MEIS1: variants seen among roughly 807,000 people sequenced by gnomAD.
The protein encoded by MEIS1 is Meis homeobox 1.
Under a neutral mutation model 50.8 loss-of-function variants are expected in MEIS1, and 5 were observed. That is an observed-to-expected ratio of 0.10 (90% CI 0.05 to 0.21). The LOEUF is 0.21. Ranked by LOEUF, MEIS1 falls within the 10% of genes least tolerant of loss-of-function variation. MEIS1 has a pLI of 1.00. For synonymous variants in MEIS1, 176 were observed against 179.3 expected (o/e 0.98, Z 0.15); for missense variants, 318 against 517.3 (o/e 0.61, Z 3.74).
chr2:66,455,195 G>T (rs1672360496), intron 6 of MEIS1, among the ~76,000 whole-genome samples: 3 of 152,100 alleles, frequency 2.0e-5, no homozygotes, highest in South Asian at 4.1e-4. Flanking sequence ...ACAAGAAACT[G>T]GTAAGTAGAA....
At chr2:66,514,765 A>G (rs544682054) in intron 8 of MEIS1, among the ~76,000 whole-genome samples, 44 of 152,298 alleles carry the variant, frequency 2.9e-4, no homozygotes, top group African/African-American at 1.0e-3. Flanking sequence ...CCTTCCCCCA[A>G]TGAAAAAGAT....
chr2:66,483,375 G>A lies in MEIS1; in HGVS notation c.742+19155G>A, dbSNP rs528461838. ...AGGCGTGAGCCACCGCGCCCGGCTG[G>A]ACTGGTGTCCATTTCTAAATGTGAG... On this transcript the variant is annotated intron_variant, in intron 7 of 12. Coordinates refer to ENST00000272369, the MANE Select transcript of MEIS1 (RefSeq NM_002398.3). 4.6e-5 allele frequency among the ~76,000 whole-genome samples: 7 copies of A among 152,134 alleles called. No individual in the cohort carries two copies. The South Asian group carries it at 1.2e-3, about 27-fold the overall frequency.
At chr2:66,517,447 A>G (rs764943171) in intron 8 of MEIS1, among the ~76,000 whole-genome samples, 1 of 152,188 alleles carries the variant, frequency 6.6e-6, no homozygotes. Flanking sequence ...CATGTACCCT[A>G]TCAAAAATTA....
At chr2:66,517,185 GA>G (rs1448074857) in intron 8 of MEIS1, among the ~76,000 whole-genome samples, 1 of 152,138 alleles carries the variant, frequency 6.6e-6, no homozygotes, top group Non-Finnish European at 1.5e-5. Flanking sequence ...AGGTGGTGGG[GA>G]AGGACAACTA....
chr2:66,500,080 G>A lies in MEIS1; in HGVS notation c.743-12069G>A, dbSNP rs140417953. Among the ~76,000 whole-genome samples the A allele has an allele frequency of 3.2e-3, 484 of 152,284 alleles. 2 individuals are homozygous for A. The highest frequency in any genetic ancestry group is 6.8e-3 in the Middle Eastern group (2 of 292). Reference sequence around the variant, plus strand: ...TCTCAGCCTACAAACTATGAGGCCAGAAGCTAGATGAGCAAACTTGAGAAC... The same window carrying A: ...TCTCAGCCTACAAACTATGAGGCCAAAAGCTAGATGAGCAAACTTGAGAAC... On this transcript the variant is annotated intron_variant, in intron 7 of 12. Coordinates refer to ENST00000272369, the MANE Select transcript of MEIS1 (RefSeq NM_002398.3).
At chr2:66,570,532 A>T (rs1326489568) in intron 12 of MEIS1, 1 of 152,180 alleles carries the variant, frequency 6.6e-6, no homozygotes, top group Non-Finnish European at 1.5e-5. Context: ...ATTACTTAGA[A>T]CTAAAGCCAA....
chr2:66,457,756 G>A (rs896786583), intron 6 of MEIS1, among the ~76,000 whole-genome samples: 3 of 152,210 alleles, frequency 2.0e-5, no homozygotes, highest in South Asian at 2.1e-4. Context: ...AAGAGCACAG[G>A]TGTGCACATG....
At chr2:66,567,534 A>G in intron 10 of MEIS1, 23 bp downstream of exon 10, 1 of 1,612,668 alleles carries the variant, frequency 6.2e-7, no homozygotes, top group Non-Finnish European at 8.5e-7. Context: ...TAGTGACTGT[A>G]TTCAAGTCAC....
chr2:66,558,966 AC>A (rs1486557895), intron 9 of MEIS1, among the ~76,000 whole-genome samples: 2 of 152,020 alleles, frequency 1.3e-5, no homozygotes, highest in African/African-American at 4.8e-5. Flanking sequence ...ACATGGCGAA[AC>A]CCTGTCTCTA....
intron 7 of MEIS1, among the ~76,000 whole-genome samples, chr2:66,510,488 T>TC (rs1673801406): frequency 6.6e-6 from 1 of 152,230 alleles, no homozygotes; most frequent in Admixed American, 6.5e-5. Flanking sequence ...GATATGTTTC[T>TC]GTTAAACTTT....
At position 66,531,171 on chromosome 2, in the gene MEIS1, C is replaced by T. The variant is rs1326236554; in HGVS notation, c.889-16772C>T. On this transcript the variant is annotated intron_variant, in intron 8 of 12. Transcript: ENST00000272369. ...AGGAGAGATGACTGGCTTGAACAGA[C>T]TACTTTAGCTTCACAAGTTGAAGTT... Among the ~76,000 whole-genome samples the T allele has an allele frequency of 5.3e-5, 8 of 152,306 alleles. No homozygotes were observed. The South Asian group carries it at 1.4e-3, about 28-fold the overall frequency.
chr2:66,476,870 T>C (rs1362342438), intron 7 of MEIS1, among the ~76,000 whole-genome samples: 1 of 151,946 alleles, frequency 6.6e-6, no homozygotes, highest in African/African-American at 2.4e-5. Flanking sequence ...TGATGGAAAC[T>C]TGGGAGAGAT....
intron 1 of MEIS1, 98 bp from the exon 2 acceptor site, chr2:66,437,639 C>CCCAGCTGTAT: frequency 9.5e-7 from 1 of 1,047,252 alleles, no homozygotes; most frequent in Non-Finnish European, 1.5e-6. Context: ...GGTGGAAGGA[C>CCCAGCTGTAT]CCAGCTGTAT....
intron 6 of MEIS1, among the ~76,000 whole-genome samples, chr2:66,457,908 C>G (rs1254817550): frequency 6.6e-6 from 1 of 152,210 alleles, no homozygotes; most frequent in African/African-American, 2.4e-5. Context: ...CTTTTGGAGA[C>G]AAGCCAGCTC....
intron 7 of MEIS1, among the ~76,000 whole-genome samples, chr2:66,480,287 T>G (rs1391858043): frequency 6.6e-6 from 1 of 152,228 alleles, no homozygotes; most frequent in Non-Finnish European, 1.5e-5. Flanking sequence ...TATACTGCAT[T>G]GAAATATTTC....
intron 8 of MEIS1, among the ~76,000 whole-genome samples, chr2:66,539,890 G>C (rs958679197): frequency 2.6e-5 from 4 of 152,254 alleles, no homozygotes; most frequent in African/African-American, 7.2e-5. Flanking sequence ...GAGTGGAGGA[G>C]CAGGGAAATG....
At chr2:66,522,799 T>G (rs995305465) in intron 8 of MEIS1, among the ~76,000 whole-genome samples, 7 of 152,312 alleles carry the variant, frequency 4.6e-5, no homozygotes, top group South Asian at 4.1e-4. Flanking sequence ...GGCTCAAAGC[T>G]TCTTCATTTA....
chr2:66,516,723 A>AT (rs1339032367), intron 8 of MEIS1, among the ~76,000 whole-genome samples: 5 of 152,250 alleles, frequency 3.3e-5, no homozygotes, highest in African/African-American at 1.2e-4. Context: ...TAGTAACACT[A>AT]TTAGATGAAA....
At chr2:66,441,222 GT>G (rs530256249) in intron 4 of MEIS1, among the ~76,000 whole-genome samples, 191 bp from the exon 5 acceptor site, 50 of 148,724 alleles carry the variant, frequency 3.4e-4, no homozygotes, top group Non-Finnish European at 5.4e-4. Flanking sequence ...GTTTTAGCTA[GT>G]TTTTTTTTTC....
Sources: gnomAD v4.1 joint callset for allele counts (sites outside exome capture counted in the v4.1 genomes callset) on GRCh38, gnomAD v4.1.1 for gene constraint, MANE v1.5 for transcripts, NCBI Gene and HGNC (gene_info 2026-07-23, HGNC 2026-07-21) for gene names.